The following ZNF487 variants were observed in gnomAD, a reference collection of about 807,000 sequenced individuals.
ZNF487 encodes KRAB domain only 1.
A neutral mutation model predicts 3.0 loss-of-function variants in ZNF487; 4 were observed. That is an observed-to-expected ratio of 1.35 (90% CI 0.66 to 3.08). The LOEUF (loss-of-function observed/expected upper bound fraction) is 3.08, where lower values mean the gene tolerates loss of function less well. ZNF487 is among the 30% of genes most tolerant of loss of function. The pLI is 0.01. For missense variants in ZNF487, 146 were observed against 98.7 expected (o/e 1.48, Z -2.03); for synonymous variants, 55 against 34.6 (o/e 1.59, Z -2.06).
At chr10:43,449,811 C>T (rs953462596) in intron 1 of ZNF487, among the ~76,000 whole-genome samples, 4 of 151,652 alleles carry the variant, frequency 2.6e-5, no homozygotes, top group Non-Finnish European at 2.9e-5. Context: ...TCCCAAGTAG[C>T]TCGAATTACA....
At chr10:43,479,983 CCTT>C (rs1315699926) in intron 3 of ZNF487, among the ~76,000 whole-genome samples, 2 of 35,864 alleles carry the variant, frequency 5.6e-5, no homozygotes, top group Admixed American at 5.9e-4. Context: ...TTCTTTCTTT[CCTT>C]CTTTCTTTCT....
chr10:43,447,786 G>A (rs575917104), intron 1 of ZNF487, among the ~76,000 whole-genome samples: 1 of 152,160 alleles, frequency 6.6e-6, no homozygotes, highest in East Asian at 1.9e-4. Context: ...AATTCTAGCT[G>A]CCTGTGTCTC....
At chr10:43,491,691 T>A in the ZNF487 span, among the ~76,000 whole-genome samples, 1 of 151,726 alleles carries the variant, frequency 6.6e-6, no homozygotes, top group Non-Finnish European at 1.5e-5. Flanking sequence ...ATAAAGAAAC[T>A]CTGGGAGATA....
chr10:43,481,333 A>C (rs978919985), intron 3 of ZNF487, 96 bp from the exon 4 acceptor site: 7 of 241,616 alleles, frequency 2.9e-5, no homozygotes, highest in Middle Eastern at 2.3e-3. Context: ...ACACTGTGCC[A>C]AAAAAAAAAA....
chr10:43,449,634 T>A (rs1839936494), intron 1 of ZNF487, among the ~76,000 whole-genome samples: 1 of 152,202 alleles, frequency 6.6e-6, no homozygotes, highest in Admixed American at 6.6e-5. Context: ...TTATTTCTGT[T>A]TATATTGTTG....
the ZNF487 span, among the ~76,000 whole-genome samples, chr10:43,488,608 A>G: frequency 6.6e-6 from 1 of 152,220 alleles, no homozygotes; most frequent in African/African-American, 2.4e-5. Context: ...ACAACAAATG[A>G]AAATCACAAA....
At chr10:43,504,170 T>C in the ZNF487 span, among the ~76,000 whole-genome samples, 8 of 152,290 alleles carry the variant, frequency 5.3e-5, no homozygotes, top group South Asian at 6.2e-4. Context: ...TTTAAATTGA[T>C]TATTGATAAT....
chr10:43,471,310 C>T (rs567455506), intron 1 of ZNF487, among the ~76,000 whole-genome samples: 116 of 152,258 alleles, frequency 7.6e-4, no homozygotes, highest in African/African-American at 2.7e-3. Flanking sequence ...CACACTTGCT[C>T]GCACACTTGG....
intron 1 of ZNF487, among the ~76,000 whole-genome samples, chr10:43,445,930 C>T (rs138622293): frequency 6.2e-4 from 94 of 152,308 alleles, no homozygotes; most frequent in African/African-American, 1.5e-3. Flanking sequence ...GCACATCTTG[C>T]ACCGCCCTTA....
chr10:43,476,145 G>A lies in ZNF487; in HGVS notation c.73G>A (p.Glu25Lys), dbSNP rs1045757004. The A allele has an allele frequency of 2.0e-5, 14 of 717,394 alleles. No individual in the cohort carries two copies. The African/African-American group carries it at 2.4e-4, about 13-fold the overall frequency. The allele number at this position is 717,394 out of a possible 1,614,324, so 44.4% of individuals were successfully genotyped here. A position where few individuals can be genotyped will look rare whatever the true frequency, so the allele number is the denominator to read the frequency against. ...ITKPEVVCKL[E>K]HGQVLWILEE... is the part of the protein sequence containing the mutation. ...CAAACCAGAGGTGGTTTGCAAGTTG[G>A]AGCATGGACAGGTGCTGTGGATATT... The change falls in exon 3 of 4, where the codon GAG becomes AAG. Residue 25 changes from glutamate to lysine, a missense_variant. Coordinates refer to ENST00000437590, the MANE Select transcript of ZNF487 (RefSeq NM_001355444.3).
intron 1 of ZNF487, among the ~76,000 whole-genome samples, chr10:43,449,396 A>G (rs1839929267): frequency 1.3e-5 from 2 of 152,122 alleles, no homozygotes; most frequent in African/African-American, 4.8e-5. Flanking sequence ...GAGAATAGAA[A>G]TGGACTGGAT....
intron 1 of ZNF487, among the ~76,000 whole-genome samples, chr10:43,449,425 A>G (rs982993108): frequency 6.6e-6 from 1 of 152,320 alleles, no homozygotes; most frequent in Admixed American, 6.5e-5. Context: ...ACAGTGATGC[A>G]TATATTATTA....
the ZNF487 span, among the ~76,000 whole-genome samples, chr10:43,498,095 ATATATTTTTTTTTTTTTTCTTTTTTTT>A: frequency 7.8e-3 from 98 of 12,556 alleles, no homozygotes; most frequent in Middle Eastern, 0.062. Flanking sequence ...ATATATATAT[ATATATTTTTTTTTTTTTTCTTTTTTTT>A]TTTTTTTTTT....
chr10:43,495,758 C>T, the ZNF487 span, among the ~76,000 whole-genome samples: 1 of 151,812 alleles, frequency 6.6e-6, no homozygotes, highest in African/African-American at 2.4e-5. Flanking sequence ...TTTTTATATC[C>T]CCAGAACATA....
rs76355679 is a variant in ZNF487 at position 43,438,797 on chromosome 10, T to C, written c.-94+1535T>C. Among the ~76,000 whole-genome samples the C allele has an allele frequency of 1.1e-4, 17 of 152,200 alleles. No individual in the cohort carries two copies. In the East Asian group the frequency reaches 3.1e-3, roughly 28 times the overall value. On this transcript the variant is annotated intron_variant, in intron 1 of 3. Transcript: ENST00000437590. ...ATCATTCAGCCTTAGGAAGAAAATC[T>C]TGGCTGGATGCAGCGGCTCATGCTG...
chr10:43,494,984 G>C, the ZNF487 span, among the ~76,000 whole-genome samples: 1 of 150,582 alleles, frequency 6.6e-6, no homozygotes, highest in East Asian at 2.0e-4. Flanking sequence ...TAGCCTAGCT[G>C]TTTACATTAT....
the ZNF487 span, chr10:43,496,086 A>AGAG: frequency 1.9e-6 from 1 of 534,260 alleles, no homozygotes; most frequent in Middle Eastern, 3.2e-4. Flanking sequence ...GGCCCTATTG[A>AGAG]GAGGACCCTG....
intron 1 of ZNF487, among the ~76,000 whole-genome samples, chr10:43,459,076 T>C (rs2132084291): frequency 6.6e-6 from 1 of 152,296 alleles, no homozygotes; most frequent in South Asian, 2.1e-4. Context: ...GTCCAGTTGA[T>C]GCTCATGTTT....
intron 1 of ZNF487, chr10:43,451,789 T>G (rs1353324233): frequency 1.3e-5 from 2 of 152,292 alleles, no homozygotes; most frequent in African/African-American, 4.8e-5. Context: ...AGTCTCGAAC[T>G]CCCGACTTCA....
Sources: allele counts gnomAD v4.1 joint callset (sites outside exome capture counted in the v4.1 genomes callset), GRCh38; gene constraint gnomAD v4.1.1; transcripts MANE v1.5; gene names NCBI Gene and HGNC (gene_info 2026-07-23, HGNC 2026-07-21).